ADAMTS13: variants seen among roughly 807,000 people sequenced by gnomAD.
The protein encoded by ADAMTS13 is ADAM metallopeptidase with thrombospondin type 1 motif 13.
A neutral mutation model predicts 155.1 loss-of-function variants in ADAMTS13; 110 were observed. That is an observed-to-expected ratio of 0.71 (90% confidence interval 0.61 to 0.83). The LOEUF (loss-of-function observed/expected upper bound fraction) is 0.83. ADAMTS13 is among the 40% of genes least tolerant of loss of function. The pLI is 0.00. For missense variants in ADAMTS13, 1,707 were observed against 1,891.7 expected (o/e 0.90, Z 1.81); for synonymous variants, 758 against 756.4 (o/e 1.00, Z -0.03).
intron 23 of ADAMTS13, among the ~76,000 whole-genome samples, chr9:133,451,756 T>TG (rs1331693344): frequency 1.3e-5 from 2 of 151,916 alleles, no homozygotes; most frequent in African/African-American, 2.4e-5. Flanking sequence ...CCGGGCATGG[T>TG]GGTGCATGCC....
At chr9:133,422,712 C>T (rs587749969) in intron 1 of ADAMTS13, among the ~76,000 whole-genome samples, 164 bp downstream of exon 1, 1 of 152,098 alleles carries the variant, frequency 6.6e-6, no homozygotes, top group Non-Finnish European at 1.5e-5. Context: ...AGTGTGCTCA[C>T]TGAAGAGGGA....
rs113020500 is a variant in ADAMTS13, at chr9:133,446,081, C to T, written c.2731+262C>T. On this transcript the variant is annotated intron_variant, in intron 21 of 28. Coordinates refer to ENST00000355699, the MANE Select transcript of ADAMTS13 (RefSeq NM_139027.6). Reference sequence around the variant, plus strand: ...GCCATTCCTTATGGTCCTAGCAGAGCGGCCGGGGGGTCCCCAATTGATGAC... The same window carrying T: ...GCCATTCCTTATGGTCCTAGCAGAGTGGCCGGGGGGTCCCCAATTGATGAC... Among the ~76,000 whole-genome samples, 29 of 152,298 alleles carry T rather than the reference C, an allele frequency of 1.9e-4. 2 individuals carry two copies. The highest frequency in any genetic ancestry group is 1.5e-3 in the East Asian group (8 of 5,180).
chr9:133,459,084 GGC>G lies in ADAMTS13; in HGVS notation c.4021_4022del (p.Ala1341SerfsTer47). 1 of 1,612,994 alleles carries G rather than the reference GGC, an allele frequency of 6.2e-7. No individual in the cohort carries two copies. Among genetic ancestry groups the G allele is most frequent in the Non-Finnish European group, 8.5e-7 (1 of 1,179,942 alleles). ...TGGAGTTCAGCGAGGGCTTCCTGAA[GGC>G]TCAGGCCAGCCTGCGGGGCCAGTAC... ...EMEFSEGFLKAQASLRGQYWT... is the reference protein window; with the variant it reads ...EMEFSEGFLKXQASLRGQYWT... On this transcript the variant is annotated frameshift_variant, in exon 29 of 29. Coordinates refer to ENST00000355699, the MANE Select transcript of ADAMTS13 (RefSeq NM_139027.6). LOFTEE classifies it low-confidence loss of function (END_TRUNC).
In ADAMTS13 at chr9:133,445,654, C is replaced by T. The variant is rs782552999; in HGVS notation, c.2611-45C>T. ...AGATCGAGACGGGGATCGCTGGGTC[C>T]TCAGAGGAGGCCCAGACCCACCAGC... On this transcript the variant is annotated intron_variant, in intron 20 of 28. Coordinates refer to ENST00000355699, the MANE Select transcript of ADAMTS13 (RefSeq NM_139027.6). The surrounding 1 kb of genome is among the most constrained non-coding windows in gnomAD (Gnocchi z 5.0). 1.2e-6 allele frequency: 2 copies of T among 1,612,210 alleles called. No homozygotes were observed. The highest frequency in any genetic ancestry group is 2.2e-5 in the East Asian group (1 of 44,868).
Position 133,425,602 on chromosome 9 carries a change from C to T in ADAMTS13, c.404C>T (p.Thr135Ile), listed in dbSNP as rs782814321. 2.5e-6 allele frequency: 4 copies of T among 1,613,596 alleles called. No individual in the cohort carries two copies. In the Admixed American group the frequency reaches 6.7e-5, roughly 27 times the overall value. Residue 135 changes from threonine to isoleucine, a missense_variant, in exon 4 of 29, where the codon ACA (threonine) becomes ATA (isoleucine). By Grantham distance (89) the Thr-to-Ile change is moderately conservative (BLOSUM62 -1). Around this residue, in one of 3 missense-constraint regions of ADAMTS13, gnomAD observed 733 missense variants for 749.6 expected, o/e 0.98. Coordinates refer to ENST00000355699, the MANE Select transcript of ADAMTS13 (RefSeq NM_139027.6). This position sits in a 1 kb window ranked among gnomAD's most constrained non-coding sequence, Gnocchi z 4.6. The part of the protein sequence containing the change: ...RVHLVKMVIL[T>I]EPEGAPNITA... ...CACCTGGTGAAGATGGTCATTCTGA[C>T]AGAGCCTGAGGTAGGCATGGAGCTG...
chr9:133,432,732 G>A (rs911125631), intron 9 of ADAMTS13, 40 bp downstream of exon 9: 28 of 1,534,230 alleles, frequency 1.8e-5, no homozygotes, highest in Middle Eastern at 1.7e-4. Flanking sequence ...CTGTGAGCAC[G>A]TGCACGTGGG....
At chr9:133,426,427 G>A (rs1446936691) in intron 6 of ADAMTS13, 82 bp downstream of exon 6, 2 of 1,558,800 alleles carry the variant, frequency 1.3e-6, no homozygotes, top group East Asian at 2.3e-5. Flanking sequence ...TTGGCAAGCA[G>A]TGGGTCCTTG....
chr9:133,448,855 G>T, intron 22 of ADAMTS13, 127 bp downstream of exon 22: 1 of 1,424,866 alleles, frequency 7.0e-7, no homozygotes. Flanking sequence ...TGTGAGGCTG[G>T]ACCATGGCCG....
In ADAMTS13 at chr9:133,437,888, C is replaced by A; in HGVS notation, c.1575C>A (p.Gly525=). Residue 525 remains glycine (G), a synonymous_variant, in exon 13 of 29, where the codon GGC becomes GGA. Coordinates refer to ENST00000355699, the MANE Select transcript of ADAMTS13 (RefSeq NM_139027.6). ...GGACCCTGAGCCTGTGTGTGTCGGG[C>A]AGCTGCAGGGTAGGCGTGTGTGGAC... ...EDGTLSLCVS[G]SCRTFGCDGR... The A allele has an allele frequency of 1.2e-6, 2 of 1,613,582 alleles. No individual in the cohort carries two copies. Among genetic ancestry groups the A allele is most frequent in the Non-Finnish European group, 1.7e-6 (2 of 1,179,950 alleles).
chr9:133,452,074 G>A (rs1448895934), intron 23 of ADAMTS13, among the ~76,000 whole-genome samples: 1 of 150,886 alleles, frequency 6.6e-6, no homozygotes, highest in Non-Finnish European at 1.5e-5. Flanking sequence ...GTATTGGTGT[G>A]TGTTAGAATC....
chr9:133,454,424 C>T lies in ADAMTS13; in HGVS notation c.3054C>T (p.Val1018=), dbSNP rs1588206211. The stretch of plus-strand genomic sequence containing the variant: ...TCTTCTCTTCCTGCAGGTGGAAAGT[C>T]ATGTCCCTTGGCCCATGTTCGGCCA... The part of the protein sequence containing the change: ...SLEPCPPRWK[V]MSLGPCSASC... The change falls in exon 24 of 29, where the codon GTC becomes GTT. Residue 1018 remains valine (V), a synonymous_variant. Coordinates refer to ENST00000355699, the MANE Select transcript of ADAMTS13 (RefSeq NM_139027.6). 1 of 1,613,870 alleles carries T rather than the reference C, an allele frequency of 6.2e-7. No homozygotes were observed. The highest frequency in any genetic ancestry group is 1.3e-5 in the African/African-American group (1 of 75,068).
intron 23 of ADAMTS13, among the ~76,000 whole-genome samples, chr9:133,453,046 C>G (rs1842530620): frequency 6.6e-6 from 1 of 152,056 alleles, no homozygotes; most frequent in South Asian, 2.1e-4. Flanking sequence ...CTGTGACGCT[C>G]TGCTTGGCAC....
chr9:133,424,443 G>T lies in ADAMTS13; in HGVS notation c.295G>T (p.Asp99Tyr). 1 of 1,613,892 alleles carries T rather than the reference G, an allele frequency of 6.2e-7. No individual in the cohort carries two copies. Among genetic ancestry groups the T allele is most frequent in the Non-Finnish European group, 8.5e-7 (1 of 1,179,976 alleles). Reference sequence around the variant, plus strand: ...CGATGTCTTCCAGGCTCACCAGGAGGACACAGAGCGCTATGTGCTCACCAA... The same window carrying T: ...CGATGTCTTCCAGGCTCACCAGGAGTACACAGAGCGCTATGTGCTCACCAA... ...GPDVFQAHQEDTERYVLTNLN... is the reference protein window; with the variant it reads ...GPDVFQAHQEYTERYVLTNLN... Residue 99 changes from aspartate to tyrosine, a missense_variant, in exon 3 of 29, where the codon GAC (aspartate) becomes TAC (tyrosine). Asp to Tyr is a radical substitution (Grantham distance 160). Coordinates refer to ENST00000355699, the MANE Select transcript of ADAMTS13 (RefSeq NM_139027.6). This position sits in a 1 kb window ranked among gnomAD's most constrained non-coding sequence, Gnocchi z 4.3.
chr9:133,437,100 C>A, intron 12 of ADAMTS13, 145 bp downstream of exon 12: 1 of 1,112,514 alleles, frequency 9.0e-7, no homozygotes, highest in Non-Finnish European at 1.2e-6. Context: ...CCATGGATGA[C>A]ATAGTGGCCA....
chr9:133,432,712 G>A lies in ADAMTS13; in HGVS notation c.1092+20G>A, dbSNP rs1319135035. On this transcript the variant is annotated intron_variant, in intron 9 of 28. Transcript: ENST00000355699. ...GAGAAGGTCAGAGCCAAGAGTGAAT[G>A]AGTGGGCTCCTGTGAGCACGTGCAC... 2.6e-6 allele frequency: 4 copies of A among 1,549,784 alleles called. No homozygotes were observed. The highest frequency in any genetic ancestry group is 3.5e-6 in the Non-Finnish European group (4 of 1,147,602).
Position 133,424,491 on chromosome 9 carries a change from C to G in ADAMTS13, c.330+13C>G, listed in dbSNP as rs782397762. ...CAACCTCAACATCGTGAGTGCCCCACGCTGGACTGTGCAGGTCCCCACGGC... is the reference window on the plus strand; with the variant it reads ...CAACCTCAACATCGTGAGTGCCCCAGGCTGGACTGTGCAGGTCCCCACGGC... On this transcript the variant is annotated intron_variant, in intron 3 of 28. Transcript: ENST00000355699. This position sits in a 1 kb window ranked among gnomAD's most constrained non-coding sequence, Gnocchi z 4.3. 6.2e-6 allele frequency: 10 copies of G among 1,609,558 alleles called. No homozygotes were observed. The highest frequency in any genetic ancestry group is 8.5e-6 in the Non-Finnish European group (10 of 1,178,154).
chr9:133,427,302 C>A lies in ADAMTS13; in HGVS notation c.686+957C>A, dbSNP rs181749809. On this transcript the variant is annotated intron_variant, in intron 6 of 28. Coordinates refer to ENST00000355699, the MANE Select transcript of ADAMTS13 (RefSeq NM_139027.6). ...TCTTGTGGGCAAACCTTCACTCTTA[C>A]CTATAACCATTTACCTAGAGTGATG... Among the ~76,000 whole-genome samples the A allele has an allele frequency of 3.2e-4, 49 of 152,290 alleles. No individual in the cohort carries two copies. In the East Asian group the frequency reaches 8.3e-3, roughly 26 times the overall value.
chr9:133,454,565 C>A lies in ADAMTS13; in HGVS notation c.3195C>A (p.Val1065=). ...CAALVRPEAS[V]PCLIADCTYR... is the part of the protein sequence containing the mutation. ...CGCTGGTGCGGCCCGAGGCCAGTGT[C>A]CCCTGTCTCATTGCCGACTGCACCT... is the stretch of plus-strand genomic sequence containing the variant. The change falls in exon 24 of 29, where the codon GTC becomes GTA. Residue 1065 remains valine, a synonymous_variant. Coordinates refer to ENST00000355699, the MANE Select transcript of ADAMTS13 (RefSeq NM_139027.6). 6.2e-7 allele frequency: 1 copy of A among 1,607,774 alleles called. No homozygotes were observed. The highest frequency in any genetic ancestry group is 8.5e-7 in the Non-Finnish European group (1 of 1,179,882).
Position 133,434,474 on chromosome 9 carries a change from T to A in ADAMTS13, c.1308+770T>A, listed in dbSNP as rs587731045. On this transcript the variant is annotated intron_variant, in intron 11 of 28. Coordinates refer to ENST00000355699, the MANE Select transcript of ADAMTS13 (RefSeq NM_139027.6). ...GTGCCCGCCACCACGCCCGGCTAAT[T>A]TTTTGTATTTTTAGTAGAGGAGGGG... Among the ~76,000 whole-genome samples the A allele has an allele frequency of 3.5e-4, 53 of 152,016 alleles. 2 individuals are homozygous for A. In the East Asian group the frequency reaches 9.0e-3, roughly 26 times the overall value.
Sources: allele counts gnomAD v4.1 joint callset (sites outside exome capture counted in the v4.1 genomes callset), GRCh38; gene constraint gnomAD v4.1.1; regional missense constraint gnomAD v4.1.1; non-coding constraint Gnocchi (gnomAD v3.1); transcripts MANE v1.5; gene names NCBI Gene and HGNC (gene_info 2026-07-23, HGNC 2026-07-21).